The following GAB1 variants were observed in gnomAD, a reference collection of about 807,000 sequenced individuals.
GAB1 encodes the protein GRB2-associated-binding protein 1.
Under a neutral mutation model 66.5 loss-of-function variants are expected in GAB1, and 19 were observed. The observed-to-expected ratio is 0.29, with a 90% CI of 0.20 to 0.42. The LOEUF (loss-of-function observed/expected upper bound fraction) is 0.42, where lower values mean the gene tolerates loss of function less well. GAB1 is among the 10% of genes least tolerant of loss of function. GAB1 has a pLI of 1.00. For synonymous variants in GAB1, 294 were observed against 301.4 expected (o/e 0.98, Z 0.25); for missense variants, 732 against 858.5 (o/e 0.85, Z 1.84).
intron 2 of GAB1, chr4:143,424,654 T>C (rs923321245): frequency 1.9e-5 from 3 of 156,882 alleles, no homozygotes; most frequent in African/African-American, 7.2e-5. Flanking sequence ...TTTTTATTCT[T>C]ATGTTTATAT....
At chr4:143,392,115 C>T (rs541715725) in intron 1 of GAB1, among the ~76,000 whole-genome samples, 1 of 152,270 alleles carries the variant, frequency 6.6e-6, no homozygotes, top group Non-Finnish European at 1.5e-5. Flanking sequence ...AAAGAGGAGG[C>T]ATCTGTTTTT....
At chr4:143,419,844 A>T (rs1459444854) in intron 2 of GAB1, among the ~76,000 whole-genome samples, 4 of 152,186 alleles carry the variant, frequency 2.6e-5, no homozygotes, top group African/African-American at 9.6e-5. Context: ...TCTGTAAAGC[A>T]TGAACAGTTC....
intron 1 of GAB1, chr4:143,349,599 G>T (rs1581214356): frequency 6.7e-7 from 1 of 1,485,396 alleles, no homozygotes; most frequent in East Asian, 2.4e-5. Flanking sequence ...AGCCGCAGCG[G>T]CCTGTCACCT....
At chr4:143,375,029 C>T (rs867005983) in intron 1 of GAB1, among the ~76,000 whole-genome samples, 2 of 152,202 alleles carry the variant, frequency 1.3e-5, no homozygotes, top group African/African-American at 2.4e-5. Flanking sequence ...CTCACTGCAA[C>T]CTCCGCCCCC....
At chr4:143,337,835 C>G (rs919523843) in intron 1 of GAB1, among the ~76,000 whole-genome samples, 8 of 152,154 alleles carry the variant, frequency 5.3e-5, no homozygotes, top group Non-Finnish European at 7.3e-5. Flanking sequence ...ATTACGCGCC[C>G]TGCCGTTTGC....
intron 8 of GAB1, among the ~76,000 whole-genome samples, chr4:143,462,167 A>G (rs1471937419): frequency 6.6e-6 from 1 of 152,180 alleles, no homozygotes; most frequent in Non-Finnish European, 1.5e-5. Context: ...CTGATTTTTC[A>G]AGGCAGGGCA....
chr4:143,373,623 G>C (rs1485976681), intron 1 of GAB1, among the ~76,000 whole-genome samples: 1 of 152,034 alleles, frequency 6.6e-6, no homozygotes, highest in Non-Finnish European at 1.5e-5. Flanking sequence ...GAGCTCAGGA[G>C]TTTGAGACCA....
intron 6 of GAB1, among the ~76,000 whole-genome samples, chr4:143,458,195 G>A (rs980866502): frequency 2.0e-5 from 3 of 152,114 alleles, no homozygotes; most frequent in Admixed American, 1.3e-4. Flanking sequence ...GCCTTTGGGT[G>A]TCAAAAAGTA....
At chr4:143,456,122 A>AT (rs1431046166) in intron 6 of GAB1, among the ~76,000 whole-genome samples, 1 of 151,932 alleles carries the variant, frequency 6.6e-6, no homozygotes, top group Non-Finnish European at 1.5e-5. Flanking sequence ...TCTGCCTCTT[A>AT]TTTTTTTTGA....
chr4:143,465,259 A>G (rs993308400), intron 8 of GAB1, among the ~76,000 whole-genome samples: 9 of 152,158 alleles, frequency 5.9e-5, no homozygotes, highest in South Asian at 2.1e-4. Flanking sequence ...TCAAGTGCCT[A>G]TTTTTCATTT....
intron 2 of GAB1, among the ~76,000 whole-genome samples, 189 bp downstream of exon 2, chr4:143,415,960 C>T (rs555410548): frequency 6.6e-6 from 1 of 152,138 alleles, no homozygotes; most frequent in African/African-American, 2.4e-5. Flanking sequence ...AGTTTTAGAG[C>T]GACAGACTTA....
chr4:143,465,323 CCTT>C (rs913784804), intron 8 of GAB1, among the ~76,000 whole-genome samples: 16 of 152,190 alleles, frequency 1.1e-4, no homozygotes, highest in African/African-American at 3.6e-4. Flanking sequence ...TATCTTCCTA[CCTT>C]CTTTCCCTTT....
rs141328114 is a variant in GAB1, at chr4:143,466,217, C to T, written c.1918C>T (p.Pro640Ser). 1.9e-5 allele frequency: 30 copies of T among 1,613,454 alleles called. No homozygotes were observed. The highest frequency in any genetic ancestry group is 2.4e-5 in the Non-Finnish European group (28 of 1,179,652). Residue 640 changes from proline (P) to serine (S), a missense_variant, in exon 9 of 10, where the codon CCA (proline) becomes TCA (serine). Pro to Ser is a moderately conservative substitution (Grantham distance 74). Transcript: ENST00000262994. Reference protein sequence around the residue: ...LDLDSGKSTPPRKQKSSGSGS... With the variant: ...LDLDSGKSTPSRKQKSSGSGS... ...CTTAGATTCTGGGAAATCCACACCA[C>T]CACGTAAGGTGAGTGACATGTGACA... is the stretch of plus-strand genomic sequence containing the variant.
rs767692877 is a variant in GAB1, at chr4:143,337,194, C to T, written c.6C>T (p.Ser2=). M[S]GGEVVCSGWL... ...GAGCCCGAGACGCGCGCACCATGAG[C>T]GGTGGTGAAGTGGTCTGCTCCGGAT... The change falls in exon 1 of 10, where the codon AGC becomes AGT. Residue 2 remains serine (S), a synonymous_variant. Transcript: ENST00000262994. 2.1e-5 allele frequency: 33 copies of T among 1,579,534 alleles called. No individual in the cohort carries two copies. The highest frequency in any genetic ancestry group is 2.6e-5 in the Non-Finnish European group (30 of 1,162,492).
At chr4:143,377,633 G>A (rs1730474047) in intron 1 of GAB1, among the ~76,000 whole-genome samples, 1 of 152,304 alleles carries the variant, frequency 6.6e-6, no homozygotes, top group South Asian at 2.1e-4. Context: ...TTGAATAACT[G>A]TATAGTCCTG....
intron 1 of GAB1, among the ~76,000 whole-genome samples, chr4:143,398,718 A>T (rs1426029373): frequency 3.3e-5 from 5 of 152,090 alleles, no homozygotes; most frequent in Admixed American, 6.6e-5. Context: ...AGTGTCTGTT[A>T]TCTTCATATT....
At chr4:143,445,436 G>A (rs954385732) in intron 6 of GAB1, among the ~76,000 whole-genome samples, 4 of 151,982 alleles carry the variant, frequency 2.6e-5, no homozygotes, top group African/African-American at 9.7e-5. Context: ...TTTTAATGGG[G>A]TTACTTGTTT....
chr4:143,394,059 G>T (rs1373254460), intron 1 of GAB1, among the ~76,000 whole-genome samples: 1 of 152,146 alleles, frequency 6.6e-6, no homozygotes, highest in Non-Finnish European at 1.5e-5. Context: ...AGATCAGGAG[G>T]TCAGGAGATC....
At chr4:143,391,606 C>T (rs1230978120) in intron 1 of GAB1, 1 of 151,908 alleles carries the variant, frequency 6.6e-6, no homozygotes, top group East Asian at 1.9e-4. Flanking sequence ...CACAGAGAAG[C>T]ACAGAGAAGC....
Sources: gnomAD v4.1 joint callset for allele counts (sites outside exome capture counted in the v4.1 genomes callset) on GRCh38, gnomAD v4.1.1 for gene constraint, MANE v1.5 for transcripts, NCBI Gene and HGNC (gene_info 2026-07-23, HGNC 2026-07-21) for gene names.